Variants in DHX37 observed in about 807,000 individuals in gnomAD.
The protein encoded by DHX37 is DEAH-box helicase 37.
A neutral mutation model predicts 134.3 loss-of-function variants in DHX37; 52 were observed. That is an observed-to-expected ratio of 0.39 (90% CI 0.31 to 0.49). The LOEUF is 0.49. Ranked by LOEUF, DHX37 falls within the 20% of genes least tolerant of loss-of-function variation. DHX37 has a pLI of 0.93. For synonymous variants in DHX37, 634 were observed against 670.7 expected (o/e 0.95, Z 0.85); for missense variants, 1,344 against 1,580.8 (o/e 0.85, Z 2.54).
chr12:124,977,015 C>T (rs1954659623), intron 5 of DHX37, among the ~76,000 whole-genome samples: 1 of 142,220 alleles, frequency 7.0e-6, no homozygotes, highest in Admixed American at 7.3e-5. Context: ...CACTGTACTC[C>T]AGCCGGGGTG....
chr12:124,964,371 G>A (rs766105833), intron 15 of DHX37, 23 bp downstream of exon 15: 3 of 1,611,258 alleles, frequency 1.9e-6, no homozygotes, highest in South Asian at 1.1e-5. Flanking sequence ...CAACGTCCCT[G>A]AGGAGGAGCC....
intron 4 of DHX37, 56 bp from the exon 5 acceptor site, chr12:124,977,546 G>A: frequency 6.6e-7 from 1 of 1,508,872 alleles, no homozygotes; most frequent in Admixed American, 2.3e-5. Flanking sequence ...ACAGTGATGG[G>A]ACCTCCAGGA....
At chr12:124,961,377 T>C (rs1954261758) in intron 15 of DHX37, among the ~76,000 whole-genome samples, 1 of 152,196 alleles carries the variant, frequency 6.6e-6, no homozygotes. Context: ...GGAGAAAATA[T>C]TTGTCAATGA....
At chr12:124,974,472 A>G (rs993538578) in intron 6 of DHX37, among the ~76,000 whole-genome samples, 2 of 133,126 alleles carry the variant, frequency 1.5e-5, no homozygotes, top group South Asian at 2.6e-4. Flanking sequence ...TACAAAGACA[A>G]CAAGTCCCCC....
chr12:124,971,825 C>A (rs1166972321), intron 7 of DHX37, among the ~76,000 whole-genome samples: 1 of 152,252 alleles, frequency 6.6e-6, no homozygotes, highest in Non-Finnish European at 1.5e-5. Context: ...CCGGGCCCTG[C>A]ATGCTCTCTG....
At chr12:124,950,273 C>T in intron 23 of DHX37, 30 bp from the exon 24 acceptor site, 2 of 1,612,440 alleles carry the variant, frequency 1.2e-6, no homozygotes, top group Non-Finnish European at 1.7e-6. Flanking sequence ...GAGACAGGGA[C>T]CCTCCTGCAG....
intron 5 of DHX37, among the ~76,000 whole-genome samples, chr12:124,975,765 G>A (rs1182899953): frequency 1.3e-5 from 2 of 152,196 alleles, no homozygotes; most frequent in Non-Finnish European, 2.9e-5. Flanking sequence ...GGGGGAACCA[G>A]GCTGGGAGCT....
At chr12:124,988,690 G>A (rs1954920638) in intron 1 of DHX37, among the ~76,000 whole-genome samples, 1 of 152,032 alleles carries the variant, frequency 6.6e-6, no homozygotes, top group African/African-American at 2.4e-5. Context: ...AATTCTCCAT[G>A]TTACTATTTG....
intron 2 of DHX37, among the ~76,000 whole-genome samples, chr12:124,982,966 G>A (rs756649248): frequency 4.1e-4 from 62 of 152,138 alleles, no homozygotes; most frequent in Admixed American, 9.8e-4. Context: ...GGAAGGAGGC[G>A]GCTTTGTGTG....
Position 124,948,073 on chromosome 12 carries a change from G to A in DHX37, c.3388+11C>T. The A allele has an allele frequency of 6.2e-7, 1 of 1,614,248 alleles. No individual in the cohort carries two copies. The highest frequency in any genetic ancestry group is 8.5e-7 in the Non-Finnish European group (1 of 1,180,044). ...TGTCTACTCCCACCCCCTGGCCCTG[G>A]TCAAACTCACATTTGGGGTTTTTCT... On this transcript the variant is annotated intron_variant, in intron 26 of 26. Transcript: ENST00000308736.
chr12:124,957,915 G>A (rs556235850), intron 16 of DHX37, among the ~76,000 whole-genome samples: 6 of 152,328 alleles, frequency 3.9e-5, no homozygotes, highest in South Asian at 2.1e-4. Flanking sequence ...TGATTCAGCC[G>A]CGAATAGGAG....
intron 5 of DHX37, among the ~76,000 whole-genome samples, chr12:124,975,828 C>T (rs766570948): frequency 2.0e-5 from 3 of 152,164 alleles, no homozygotes; most frequent in Non-Finnish European, 2.9e-5. Flanking sequence ...CCCGCCAAGC[C>T]GATGGGTGGC....
intron 11 of DHX37, 60 bp downstream of exon 11, chr12:124,967,063 G>A: frequency 1.3e-6 from 2 of 1,587,690 alleles, no homozygotes; most frequent in South Asian, 1.1e-5. Context: ...CCCCAGCCAG[G>A]GAGCGCGAGG....
intron 18 of DHX37, among the ~76,000 whole-genome samples, chr12:124,954,687 C>G (rs1027161985): frequency 6.6e-6 from 1 of 152,148 alleles, no homozygotes; most frequent in Non-Finnish European, 1.5e-5. Context: ...CATGAGCCAC[C>G]GTGCCCGGCC....
chr12:124,965,366 C>T (rs1270391660), intron 13 of DHX37, among the ~76,000 whole-genome samples: 1 of 152,236 alleles, frequency 6.6e-6, no homozygotes, highest in Non-Finnish European at 1.5e-5. Context: ...CACTCAGCCC[C>T]TGGCTGGGCA....
rs111591253 is a variant in DHX37, at chr12:124,966,704, T to G, written c.1590+89A>C. 3.0e-4 allele frequency: 402 copies of G among 1,360,254 alleles called. 4 individuals are homozygous for G. The African/African-American group carries it at 4.7e-3, about 16-fold the overall frequency. The allele number at this position is 1,360,254 out of a possible 1,614,324, so 84.3% of individuals were successfully genotyped here. A position where few individuals can be genotyped will look rare whatever the true frequency, so the allele number is the denominator to read the frequency against. On this transcript the variant is annotated intron_variant, in intron 12 of 26. Coordinates refer to ENST00000308736, the MANE Select transcript of DHX37 (RefSeq NM_032656.4). ...AACTTCATTTTATTCCAATTACACT[T>G]AAACCTAAGCAGCCACATGGGGCTG...
At chr12:124,977,076 AG>A (rs1278351190) in intron 5 of DHX37, among the ~76,000 whole-genome samples, 3 of 151,898 alleles carry the variant, frequency 2.0e-5, no homozygotes, top group African/African-American at 7.3e-5. Context: ...AAAAGAAAAT[AG>A]TAAGCACATA....
At chr12:124,975,562 T>A (rs1954621848) in intron 5 of DHX37, 51 bp from the exon 6 acceptor site, 3 of 1,582,466 alleles carry the variant, frequency 1.9e-6, no homozygotes, top group Non-Finnish European at 2.6e-6. Context: ...CACCTGTTCA[T>A]GCCAAAGCCT....
At chr12:124,961,251 CGCACGCACACACATACACGCGT>C (rs1363157040) in intron 15 of DHX37, among the ~76,000 whole-genome samples, 13 of 132,628 alleles carry the variant, frequency 9.8e-5, no homozygotes, top group African/African-American at 3.5e-4. Flanking sequence ...CACGCGTGCA[CGCACGCACACACATACACGCGT>C]GCACGCACAC....
Sources: allele counts gnomAD v4.1 joint callset (sites outside exome capture counted in the v4.1 genomes callset), GRCh38; gene constraint gnomAD v4.1.1; transcripts MANE v1.5; gene names NCBI Gene and HGNC (gene_info 2026-07-23, HGNC 2026-07-21).